The following GPC5 variants were observed in gnomAD, a reference collection of about 807,000 sequenced individuals.
GPC5 encodes glypican 5.
A neutral mutation model predicts 53.9 loss-of-function variants in GPC5; 47 were observed. That is an observed-to-expected ratio of 0.87 (90% CI 0.69 to 1.11). The LOEUF is 1.11. Among genes scored for constraint, GPC5 ranks in the 50% most tolerant of loss-of-function variants. GPC5 has a pLI of 0.00. For missense variants in GPC5, 748 were observed against 713.1 expected (o/e 1.05, Z -0.56); for synonymous variants, 286 against 263.3 (o/e 1.09, Z -0.84).
intron 7 of GPC5, among the ~76,000 whole-genome samples, chr13:92,255,727 A>G (rs548553880): frequency 6.6e-6 from 1 of 152,224 alleles, no homozygotes; most frequent in South Asian, 2.1e-4. Context: ...TTCTGCAGTA[A>G]CACAGCTGGG....
intron 7 of GPC5, among the ~76,000 whole-genome samples, chr13:92,391,076 A>G (rs1874979826): frequency 6.6e-6 from 1 of 152,134 alleles, no homozygotes; most frequent in South Asian, 2.1e-4. Context: ...TTTGCTTTGT[A>G]TAAACAAGAT....
chr13:92,139,680 A>AAAAAAAAAAGTG lies in GPC5; in HGVS notation c.1402-5145_1402-5144insAAAAGTGAAAAA, dbSNP rs532196727. 1.7e-3 allele frequency among the ~76,000 whole-genome samples: 233 copies of AAAAAAAAAAGTG among 140,830 alleles called. 2 individuals carry two copies. Among genetic ancestry groups the AAAAAAAAAAGTG allele is most frequent in the African/African-American group, 1.9e-3 (73 of 38,950 alleles). 92.4% of individuals were successfully genotyped at this position (140,830 alleles called of 152,430 possible). On this transcript the variant is annotated intron_variant, in intron 6 of 7. Transcript: ENST00000377067. The stretch of plus-strand genomic sequence containing the variant: ...AGATTCCGTCTCAAAAAAAAAAAAA[A>AAAAAAAAAAGTG]AAAAAGTGTTATATTTAGAATATAC...
rs146010273 is a variant in GPC5 at position 92,098,668 on chromosome 13, A to T, written c.1402-46162A>T. On this transcript the variant is annotated intron_variant, in intron 6 of 7. Transcript: ENST00000377067. The stretch of plus-strand genomic sequence containing the variant: ...AAAGGGGAATTCAGCTTTCAGATGA[A>T]ATTAAGGTGGTTAAACAGCTGACTT... 5.0e-3 allele frequency among the ~76,000 whole-genome samples: 769 copies of T among 152,286 alleles called. 8 individuals are homozygous for T. The highest frequency in any genetic ancestry group is 0.017 in the African/African-American group (722 of 41,560).
intron 7 of GPC5, among the ~76,000 whole-genome samples, chr13:92,322,782 A>G (rs916154351): frequency 3.3e-5 from 5 of 152,124 alleles, no homozygotes; most frequent in Admixed American, 6.6e-5. Context: ...TGAAGACTCA[A>G]TTTACCCTCT....
chr13:92,031,751 ATTATATTACATATTAT>A (rs1566403207), intron 6 of GPC5, among the ~76,000 whole-genome samples: 1 of 80,832 alleles, frequency 1.2e-5, no homozygotes, highest in Non-Finnish European at 2.2e-5. Flanking sequence ...TATAATATAT[ATTATATTACATATTAT>A]ATATAATATA....
intron 7 of GPC5, among the ~76,000 whole-genome samples, chr13:92,613,558 A>G (rs71427584): frequency 7.9e-6 from 1 of 126,984 alleles, no homozygotes; most frequent in African/African-American, 3.1e-5. Flanking sequence ...TAATTTATAT[A>G]CAATAATATA....
intron 5 of GPC5, among the ~76,000 whole-genome samples, chr13:91,800,178 A>T (rs2038111747): frequency 6.6e-6 from 1 of 152,100 alleles, no homozygotes; most frequent in Non-Finnish European, 1.5e-5. Flanking sequence ...TTTTATATTG[A>T]TGAAAAAATA....
At chr13:91,533,832 A>G (rs1455761194) in intron 2 of GPC5, among the ~76,000 whole-genome samples, 2 of 152,208 alleles carry the variant, frequency 1.3e-5, no homozygotes, top group Non-Finnish European at 2.9e-5. Context: ...ATTTAGAGCC[A>G]TCTACAACAT....
intron 7 of GPC5, among the ~76,000 whole-genome samples, chr13:92,806,664 G>A (rs1046552036): frequency 1.3e-5 from 2 of 152,026 alleles, no homozygotes; most frequent in African/African-American, 4.8e-5. Flanking sequence ...TCAGAAAATA[G>A]GGAAGCCTGA....
intron 7 of GPC5, among the ~76,000 whole-genome samples, chr13:92,810,065 C>T (rs1316192145): frequency 6.6e-6 from 1 of 151,992 alleles, no homozygotes; most frequent in Non-Finnish European, 1.5e-5. Context: ...ATAATGAATG[C>T]CCCCTTCTAC....
intron 6 of GPC5, among the ~76,000 whole-genome samples, chr13:92,109,395 G>C (rs1163469322): frequency 6.6e-6 from 1 of 152,018 alleles, no homozygotes; most frequent in Non-Finnish European, 1.5e-5. Flanking sequence ...TCAGATCTTT[G>C]TAATCTCTCA....
intron 2 of GPC5, among the ~76,000 whole-genome samples, chr13:91,677,271 A>T (rs891939239): frequency 1.3e-4 from 20 of 152,176 alleles, no homozygotes; most frequent in Admixed American, 1.3e-3. Flanking sequence ...ACCTTCCTAA[A>T]TGATACTTGG....
At chr13:91,641,561 C>T (rs1417601431) in intron 2 of GPC5, among the ~76,000 whole-genome samples, 3 of 152,216 alleles carry the variant, frequency 2.0e-5, no homozygotes, top group East Asian at 1.9e-4. Flanking sequence ...ATCACCATGG[C>T]ACACATTTAC....
At chr13:92,078,932 G>T (rs2041273642) in intron 6 of GPC5, among the ~76,000 whole-genome samples, 2 of 152,134 alleles carry the variant, frequency 1.3e-5, no homozygotes, top group African/African-American at 4.8e-5. Flanking sequence ...AAACACCTGT[G>T]ATTTTCCTTG....
At chr13:91,622,486 G>A (rs1448985491) in intron 2 of GPC5, among the ~76,000 whole-genome samples, 4 of 151,808 alleles carry the variant, frequency 2.6e-5, no homozygotes, top group African/African-American at 9.7e-5. Flanking sequence ...TTGTGGTTTA[G>A]GATTTTGATT....
At chr13:92,604,343 A>C (rs2139085590) in intron 7 of GPC5, among the ~76,000 whole-genome samples, 1 of 152,312 alleles carries the variant, frequency 6.6e-6, no homozygotes, top group South Asian at 2.1e-4. Flanking sequence ...GGTTTAACAT[A>C]ATATTTGTAA....
At chr13:92,669,814 A>AAT in intron 7 of GPC5, among the ~76,000 whole-genome samples, 1 of 152,124 alleles carries the variant, frequency 6.6e-6, no homozygotes, top group South Asian at 2.1e-4. Flanking sequence ...GCACCTACTC[A>AAT]GGAGTCCTCT....
rs1888966536 is a variant in GPC5, at chr13:92,737,445, C to T, written c.1562-128837C>T. 2.0e-5 allele frequency among the ~76,000 whole-genome samples: 3 copies of T among 152,110 alleles called. No homozygotes were observed. The East Asian group carries it at 5.8e-4, about 30-fold the overall frequency. On this transcript the variant is annotated intron_variant, in intron 7 of 7. Coordinates refer to ENST00000377067, the MANE Select transcript of GPC5 (RefSeq NM_004466.6). ...AGATGCCCGGAAATTCATTTGATCC[C>T]TTCATGTAAATTGTGCCTTAAATAG...
At chr13:92,310,253 C>T (rs2043136773) in intron 7 of GPC5, among the ~76,000 whole-genome samples, 1 of 152,026 alleles carries the variant, frequency 6.6e-6, no homozygotes. Context: ...AACAATCTAT[C>T]ACATCTTCAT....
Sources: gnomAD v4.1 joint callset for allele counts (sites outside exome capture counted in the v4.1 genomes callset) on GRCh38, gnomAD v4.1.1 for gene constraint, MANE v1.5 for transcripts, NCBI Gene and HGNC (gene_info 2026-07-23, HGNC 2026-07-21) for gene names.